HDAC4: variants seen among roughly 807,000 people sequenced by gnomAD.
HDAC4 encodes the protein histone deacetylase 4, also known as histone deacetylase A.
A neutral mutation model predicts 135.1 loss-of-function variants in HDAC4; 16 were observed. The ratio of observed to expected loss-of-function variants is 0.12; its 90% CI spans 0.08 to 0.18. The LOEUF (loss-of-function observed/expected upper bound fraction) is 0.18, where lower values mean the gene tolerates loss of function less well. HDAC4 is among the 10% of genes least tolerant of loss of function. HDAC4 has a pLI of 1.00. For missense variants in HDAC4, 1,143 were observed against 1,511.8 expected (o/e 0.76, Z 4.05); for synonymous variants, 685 against 653.4 (o/e 1.05, Z -0.74).
At position 239,237,212 on chromosome 2, in the gene HDAC4, A is replaced by T. The variant is rs565872834; in HGVS notation, c.23-548T>A. 5.9e-5 allele frequency among the ~76,000 whole-genome samples: 9 copies of T among 152,204 alleles called. No homozygotes were observed. The South Asian group carries it at 1.9e-3, about 32-fold the overall frequency. ...AGTCCTTTCTTTTAAATCCATTTTT[A>T]GACTGTATTATGGAGCGGTTTCCAT... On this transcript the variant is annotated intron_variant, in intron 2 of 26. Transcript: ENST00000543185.
intron 2 of HDAC4, among the ~76,000 whole-genome samples, chr2:239,340,937 C>G (rs1375162333): frequency 1.3e-5 from 2 of 152,174 alleles, no homozygotes; most frequent in Non-Finnish European, 2.9e-5. Context: ...CTCACTGCAG[C>G]ACCCACTAAA....
intron 21 of HDAC4, 40 bp from the exon 22 acceptor site, chr2:239,081,232 A>G: frequency 6.5e-7 from 1 of 1,545,298 alleles, no homozygotes; most frequent in Non-Finnish European, 8.9e-7. Flanking sequence ...ATGGACCCCG[A>G]GCGGGACCTG....
intron 4 of HDAC4, among the ~76,000 whole-genome samples, chr2:239,181,880 G>A (rs559183981): frequency 2.0e-5 from 3 of 152,312 alleles, no homozygotes; most frequent in East Asian, 3.9e-4. Flanking sequence ...TCATCAAACC[G>A]TCACTTTTGA....
In HDAC4 at chr2:239,285,424, T is replaced by A. The variant is rs2125435146; in HGVS notation, c.23-48760A>T. Among the ~76,000 whole-genome samples, 1 of 152,266 alleles carries A rather than the reference T, an allele frequency of 6.6e-6. No homozygotes were observed. Among genetic ancestry groups the A allele is most frequent in the South Asian group, 2.1e-4 (1 of 4,824 alleles). On this transcript the variant is annotated intron_variant, in intron 2 of 26. Coordinates refer to ENST00000543185, the MANE Select transcript of HDAC4 (RefSeq NM_001378414.1). This position sits in a 1 kb window ranked among gnomAD's most constrained non-coding sequence, Gnocchi z 4.5. ...AAGGAGAAGCCTTACAGCAAGGGGT[T>A]CCACCGAGGCTGGGGCTTCGCTAGT...
chr2:239,401,453 C>T (rs1015354265), upstream of HDAC4: 9 of 162,684 alleles, frequency 5.5e-5, no homozygotes, highest in Non-Finnish European at 1.2e-4. Flanking sequence ...TGAGGAGGCG[C>T]AGGGACCGGG....
rs140569180 is a variant in HDAC4 at position 239,084,882 on chromosome 2, AC to A, written c.2445-641del. 8.8e-3 allele frequency among the ~76,000 whole-genome samples: 904 copies of A among 103,206 alleles called. 5 individuals carry two copies. Among genetic ancestry groups the A allele is most frequent in the African/African-American group, 0.018 (491 of 27,790 alleles). The allele number at this position is 103,206 out of a possible 152,430, so 67.7% of individuals were successfully genotyped here. A position where few individuals can be genotyped will look rare whatever the true frequency, so the allele number is the denominator to read the frequency against. On this transcript the variant is annotated intron_variant, in intron 19 of 26. Coordinates refer to ENST00000543185, the MANE Select transcript of HDAC4 (RefSeq NM_001378414.1). ...ATGCCCCACAGATACGCCCATACCC[AC>A]CCCCCCCACGTAGACACACATGCAC...
intron 1 of HDAC4, among the ~76,000 whole-genome samples, chr2:239,387,979 G>A (rs372140165): frequency 4.6e-5 from 7 of 152,288 alleles, no homozygotes; most frequent in African/African-American, 9.6e-5. Context: ...GGTATCAGAC[G>A]GGAGGACGGG....
At chr2:239,296,450 A>T (rs1248145638) in intron 2 of HDAC4, among the ~76,000 whole-genome samples, 1 of 152,122 alleles carries the variant, frequency 6.6e-6, no homozygotes, top group Non-Finnish European at 1.5e-5. Context: ...CCTTTTTCAG[A>T]TGCAGGCAGC....
chr2:239,329,331 G>A (rs1691397148), intron 2 of HDAC4, among the ~76,000 whole-genome samples: 1 of 152,194 alleles, frequency 6.6e-6, no homozygotes, highest in Non-Finnish European at 1.5e-5. Context: ...GAGTTTTATG[G>A]TTTACCATCA....
At chr2:239,214,873 G>T (rs2046541471) in intron 3 of HDAC4, among the ~76,000 whole-genome samples, 1 of 152,212 alleles carries the variant, frequency 6.6e-6, no homozygotes, top group Non-Finnish European at 1.5e-5. Context: ...GAGTCAAGGG[G>T]ACTCTTGGGA....
At chr2:239,231,997 G>A (rs536458061) in intron 3 of HDAC4, among the ~76,000 whole-genome samples, 3 of 140,468 alleles carry the variant, frequency 2.1e-5, no homozygotes, top group Admixed American at 7.0e-5. Flanking sequence ...TCCCCGAAGC[G>A]CCCCTGTCCT....
At chr2:239,270,150 A>G (rs2049978478) in intron 2 of HDAC4, among the ~76,000 whole-genome samples, 1 of 152,232 alleles carries the variant, frequency 6.6e-6, no homozygotes, top group African/African-American at 2.4e-5. Context: ...GTAAGGACCC[A>G]GAGTCCTGGA....
intron 9 of HDAC4, 38 bp from the exon 10 acceptor site, chr2:239,134,681 A>G (rs1258932692): frequency 6.8e-7 from 1 of 1,472,914 alleles, no homozygotes; most frequent in African/African-American, 1.4e-5. Flanking sequence ...ACAGTCTGTC[A>G]CGGCCAAACA....
intron 16 of HDAC4, among the ~76,000 whole-genome samples, chr2:239,098,939 A>G (rs903823998): frequency 6.6e-6 from 1 of 152,260 alleles, no homozygotes; most frequent in Non-Finnish European, 1.5e-5. Flanking sequence ...GCTTTCCAGG[A>G]AAGAACAAGA....
intron 3 of HDAC4, among the ~76,000 whole-genome samples, chr2:239,226,726 T>C (rs1050679833): frequency 6.6e-6 from 1 of 152,130 alleles, no homozygotes; most frequent in South Asian, 2.1e-4. Context: ...ATGGAGAAAC[T>C]TTCTATCTTT....
rs1692953023 is a variant in HDAC4 at position 239,349,299 on chromosome 2, G to A, written c.22+3379C>T. Among the ~76,000 whole-genome samples the A allele has an allele frequency of 6.6e-6, 1 of 152,198 alleles. No individual in the cohort carries two copies. The highest frequency in any genetic ancestry group is 1.5e-5 in the Non-Finnish European group (1 of 68,034). On this transcript the variant is annotated intron_variant, in intron 2 of 26. Coordinates refer to ENST00000543185, the MANE Select transcript of HDAC4 (RefSeq NM_001378414.1). The surrounding 1 kb of genome is among the most constrained non-coding windows in gnomAD (Gnocchi z 5.7). The stretch of plus-strand genomic sequence containing the variant: ...CCGAACACCACGTTGCCAGGACTCG[G>A]CTCCTCGGCTCAAGGAAAAGGGACA...
At chr2:239,246,583 G>A (rs1417611133) in intron 2 of HDAC4, among the ~76,000 whole-genome samples, 3 of 152,222 alleles carry the variant, frequency 2.0e-5, no homozygotes, top group African/African-American at 7.2e-5. Flanking sequence ...CGCTCTTCCT[G>A]CTCCGCAGGG....
At chr2:239,383,945 G>A (rs927492863) in intron 1 of HDAC4, among the ~76,000 whole-genome samples, 4 of 152,258 alleles carry the variant, frequency 2.6e-5, no homozygotes, top group Non-Finnish European at 5.9e-5. Flanking sequence ...GGGCAGGGCG[G>A]CTGGAAGAGC....
intron 12 of HDAC4, among the ~76,000 whole-genome samples, chr2:239,124,452 G>A (rs62190762): frequency 0.019 from 2,858 of 152,372 alleles, 34 homozygotes; most frequent in Non-Finnish European, 0.027. Flanking sequence ...CCGTGCTGCC[G>A]CTTGTCAGTG....
Sources: gnomAD v4.1 joint callset for allele counts (sites outside exome capture counted in the v4.1 genomes callset) on GRCh38, gnomAD v4.1.1 for gene constraint, Gnocchi (gnomAD v3.1) non-coding constraint, MANE v1.5 for transcripts, NCBI Gene and HGNC (gene_info 2026-07-23, HGNC 2026-07-21) for gene names.